Variants in DCAF5 observed in about 807,000 individuals in gnomAD.
DCAF5 encodes the protein DDB1- and CUL4-associated factor 5.
DCAF5 carries 9 observed loss-of-function variants against 80.7 expected under a neutral mutation model. The observed-to-expected ratio is 0.11, with a 90% CI of 0.07 to 0.19. The LOEUF is 0.19. Among genes scored for constraint, DCAF5 ranks in the 10% least tolerant of loss-of-function variants. The pLI is 1.00. For missense variants in DCAF5, 842 were observed against 1,205.7 expected (o/e 0.70, Z 4.47); for synonymous variants, 433 against 461.9 (o/e 0.94, Z 0.80).
In DCAF5 at chr14:69,053,549, C is replaced by T. The variant is rs1245897192; in HGVS notation, c.*308G>A. The stretch of plus-strand genomic sequence containing the variant: ...CCATTGTGCGTACACAAGAACAAGT[C>T]GAACGTCTCAACAAAGATTTACTTC... On this transcript the variant is annotated 3_prime_UTR_variant, in exon 9 of 9. Coordinates refer to ENST00000341516, the MANE Select transcript of DCAF5 (RefSeq NM_003861.3). 1.7e-5 allele frequency: 5 copies of T among 298,642 alleles called. No individual in the cohort carries two copies. The highest frequency in any genetic ancestry group is 2.5e-5 in the Non-Finnish European group (4 of 160,800). The allele number at this position is 298,642 out of a possible 1,614,324, so 18.5% of individuals were successfully genotyped here.
intron 6 of DCAF5, among the ~76,000 whole-genome samples, chr14:69,077,307 A>G (rs998771781): frequency 1.3e-5 from 2 of 152,142 alleles, no homozygotes; most frequent in African/African-American, 2.4e-5. Context: ...GGCTCCAGTG[A>G]TCCTCCTGCT....
intron 5 of DCAF5, among the ~76,000 whole-genome samples, chr14:69,111,390 A>T (rs1211057202): frequency 6.6e-6 from 1 of 152,204 alleles, no homozygotes; most frequent in Admixed American, 6.6e-5. Context: ...GCACCGTCTT[A>T]TAAGATAAGT....
At chr14:69,072,317 A>G (rs929957653) in intron 7 of DCAF5, among the ~76,000 whole-genome samples, 1 of 152,200 alleles carries the variant, frequency 6.6e-6, no homozygotes, top group Non-Finnish European at 1.5e-5. Context: ...GCTTTATAAT[A>G]TTATTTGATT....
At chr14:69,134,004 G>A (rs1039596512) in intron 1 of DCAF5, among the ~76,000 whole-genome samples, 2 of 152,170 alleles carry the variant, frequency 1.3e-5, no homozygotes, top group African/African-American at 4.8e-5. Flanking sequence ...CAGAAACAGA[G>A]AAAGAAATCC....
chr14:69,071,297 G>C (rs981093736), intron 7 of DCAF5, among the ~76,000 whole-genome samples: 1 of 151,988 alleles, frequency 6.6e-6, no homozygotes, highest in African/African-American at 2.4e-5. Flanking sequence ...CATCTCTTTG[G>C]AGTTTGTATA....
intron 1 of DCAF5, among the ~76,000 whole-genome samples, chr14:69,139,786 G>C (rs2041306232): frequency 6.7e-6 from 1 of 148,570 alleles, no homozygotes; most frequent in African/African-American, 2.5e-5. Flanking sequence ...CTGCACTCCA[G>C]CCTGTTAGCA....
intron 8 of DCAF5, among the ~76,000 whole-genome samples, 177 bp downstream of exon 8, chr14:69,062,207 T>C (rs578035636): frequency 5.9e-5 from 9 of 152,300 alleles, no homozygotes; most frequent in African/African-American, 2.2e-4. Flanking sequence ...ACTGTCACTA[T>C]GCCTGGCATC....
chr14:69,120,739 C>A (rs1208434931), intron 2 of DCAF5, among the ~76,000 whole-genome samples: 1 of 152,140 alleles, frequency 6.6e-6, no homozygotes, highest in Non-Finnish European at 1.5e-5. Flanking sequence ...TAAACCCATA[C>A]TAATGCCTTC....
intron 1 of DCAF5, among the ~76,000 whole-genome samples, chr14:69,146,235 G>A (rs138375167): frequency 4.6e-5 from 7 of 152,214 alleles, no homozygotes; most frequent in East Asian, 1.9e-4. Flanking sequence ...GAACAATACT[G>A]AGCACAAGGA....
In DCAF5 at chr14:69,055,211, T is replaced by C; in HGVS notation, c.1475A>G (p.Asn492Ser). Residue 492 changes from asparagine (N) to serine (S), a missense_variant, in exon 9 of 9, where the codon AAC becomes AGC. Asn to Ser is a conservative substitution (Grantham distance 46, BLOSUM62 1). Around this residue, in one of 5 missense-constraint regions of DCAF5, gnomAD observed 607 missense variants for 656.6 expected, o/e 0.92. Coordinates refer to ENST00000341516, the MANE Select transcript of DCAF5 (RefSeq NM_003861.3). The surrounding 1 kb of genome is among the most constrained non-coding windows in gnomAD (Gnocchi z 5.6). ...HLGPLRVTTT[N>S]TVASTPPTPT... ...TGTTGGTGGAGTTGAGGCTACTGTG[T>C]TTGTGGTGGTGACCCGCAGGGGCCC... is the stretch of plus-strand genomic sequence containing the variant. 1 of 1,614,086 alleles carries C rather than the reference T, an allele frequency of 6.2e-7. No homozygotes were observed. The highest frequency in any genetic ancestry group is 8.5e-7 in the Non-Finnish European group (1 of 1,180,008).
At position 69,102,591 on chromosome 14, in the gene DCAF5, G is replaced by GACACACACACACACACACACACACACAC. The variant is rs143602483; in HGVS notation, c.666-10732_666-10705dup. 8.1e-4 allele frequency among the ~76,000 whole-genome samples: 101 copies of GACACACACACACACACACACACACACAC among 124,900 alleles called. 2 individuals carry two copies. The highest frequency in any genetic ancestry group is 2.9e-3 in the Admixed American group (33 of 11,280). The allele number at this position is 124,900 out of a possible 152,430, so 81.9% of individuals were successfully genotyped here. On this transcript the variant is annotated intron_variant, in intron 5 of 8. Coordinates refer to ENST00000341516, the MANE Select transcript of DCAF5 (RefSeq NM_003861.3). ...AACTTTTTATTTTGTTAAAAACAAA[G>GACACACACACACACACACACACACACAC]ACACACACACACACACACACACACA... is the stretch of plus-strand genomic sequence containing the variant.
chr14:69,056,308 G>T (rs919870102), intron 8 of DCAF5, among the ~76,000 whole-genome samples: 1 of 152,152 alleles, frequency 6.6e-6, no homozygotes, highest in Non-Finnish European at 1.5e-5. Context: ...GTTAGCTATA[G>T]GAGTAGGTAG....
At chr14:69,083,869 C>A (rs1201689910) in intron 6 of DCAF5, 9 of 756,696 alleles carry the variant, frequency 1.2e-5, no homozygotes, top group Non-Finnish European at 2.2e-5. Flanking sequence ...CAGTGAGATG[C>A]CCAGCCTGCC....
Position 69,051,958 on chromosome 14 carries a change from T to C in DCAF5, c.*1899A>G, listed in dbSNP as rs2139810405. On this transcript the variant is annotated 3_prime_UTR_variant, in exon 9 of 9. Coordinates refer to ENST00000341516, the MANE Select transcript of DCAF5 (RefSeq NM_003861.3). ...TATAAAACCAGCATTTACAATTATC[T>C]GTGAATAGTCAAAGACAAATCATAG... The C allele has an allele frequency of 2.0e-5, 3 of 152,732 alleles. No homozygotes were observed. Among genetic ancestry groups the C allele is most frequent in the Admixed American group, 2.0e-4 (3 of 15,308 alleles). 9.5% of individuals were successfully genotyped at this position (152,732 alleles called of 1,614,324 possible).
At chr14:69,071,266 G>A (rs2038681329) in intron 7 of DCAF5, among the ~76,000 whole-genome samples, 1 of 152,064 alleles carries the variant, frequency 6.6e-6, no homozygotes. Flanking sequence ...ATATAGTATT[G>A]TTTATACAGT....
At position 69,053,214 on chromosome 14, in the gene DCAF5, T is replaced by C. The variant is rs1000589987; in HGVS notation, c.*643A>G. ...CATTAGCATTAAAAATTCTTTTTTA[T>C]AGTATGTCCACATTAAATGCTCAAT... On this transcript the variant is annotated 3_prime_UTR_variant, in exon 9 of 9. Coordinates refer to ENST00000341516, the MANE Select transcript of DCAF5 (RefSeq NM_003861.3). 2 of 152,274 alleles carry C rather than the reference T, an allele frequency of 1.3e-5. No individual in the cohort carries two copies. The highest frequency in any genetic ancestry group is 1.5e-5 in the Non-Finnish European group (1 of 68,052). The allele number at this position is 152,274 out of a possible 1,614,324, so 9.4% of individuals were successfully genotyped here. A position where few individuals can be genotyped will look rare whatever the true frequency, so the allele number is the denominator to read the frequency against.
Position 69,065,823 on chromosome 14 carries a change from T to C in DCAF5, c.947-3312A>G, listed in dbSNP as rs74858593. On this transcript the variant is annotated intron_variant, in intron 7 of 8. Coordinates refer to ENST00000341516, the MANE Select transcript of DCAF5 (RefSeq NM_003861.3). ...CATCTAATCAGACCATGCTGGTCAA[T>C]AGTAGTATCAAATTGGAAGGAGACA... Among the ~76,000 whole-genome samples the C allele has an allele frequency of 8.7e-3, 1,331 of 152,228 alleles. 21 individuals are homozygous for C. Among genetic ancestry groups the C allele is most frequent in the African/African-American group, 0.031 (1,269 of 41,524 alleles).
intron 5 of DCAF5, among the ~76,000 whole-genome samples, chr14:69,112,219 T>C (rs1198429063): frequency 2.6e-5 from 4 of 152,178 alleles, no homozygotes; most frequent in African/African-American, 9.7e-5. Flanking sequence ...AAATAGTATA[T>C]GCAGATTTCC....
At chr14:69,107,626 C>T (rs983303454) in intron 5 of DCAF5, among the ~76,000 whole-genome samples, 3 of 152,128 alleles carry the variant, frequency 2.0e-5, no homozygotes, top group Non-Finnish European at 4.4e-5. Flanking sequence ...GCAACTTCAC[C>T]AGAATACCTG....
Sources: allele counts gnomAD v4.1 joint callset (sites outside exome capture counted in the v4.1 genomes callset), GRCh38; gene constraint gnomAD v4.1.1; regional missense constraint gnomAD v4.1.1; non-coding constraint Gnocchi (gnomAD v3.1); transcripts MANE v1.5; gene names NCBI Gene and HGNC (gene_info 2026-07-23, HGNC 2026-07-21).